C8orf34: variants seen among roughly 807,000 people sequenced by gnomAD.
C8orf34 encodes the protein uncharacterized protein C8orf34.
In C8orf34, 65 loss-of-function variants were observed where a neutral mutation model predicts 68.3. That is an observed-to-expected ratio of 0.95 (90% CI 0.78 to 1.17). The LOEUF (loss-of-function observed/expected upper bound fraction) is 1.17, where lower values mean the gene tolerates loss of function less well. C8orf34 is among the 50% of genes most tolerant of loss of function. The pLI is 0.00. For missense variants in C8orf34, 664 were observed against 655.4 expected (o/e 1.01, Z -0.14); for synonymous variants, 244 against 241.2 (o/e 1.01, Z -0.11).
intron 7 of C8orf34, among the ~76,000 whole-genome samples, chr8:68,547,822 C>A (rs185418433): frequency 3.3e-5 from 5 of 151,652 alleles, no homozygotes; most frequent in African/African-American, 1.2e-4. Context: ...CTATAATAAT[C>A]AAGACAATGT....
chr8:68,721,323 G>A (rs375675588), intron 9 of C8orf34, 38 bp from the exon 10 acceptor site: 15 of 1,302,022 alleles, frequency 1.2e-5, no homozygotes, highest in African/African-American at 3.0e-5. Context: ...TAAGCAATAT[G>A]TGAGTATAAT....
intron 12 of C8orf34, among the ~76,000 whole-genome samples, chr8:68,812,491 T>C (rs1262377912): frequency 6.6e-6 from 1 of 152,184 alleles, no homozygotes; most frequent in African/African-American, 2.4e-5. Context: ...TGACTTTCTC[T>C]TCCATATTAG....
intron 5 of C8orf34, among the ~76,000 whole-genome samples, chr8:68,513,066 T>C (rs897528963): frequency 1.3e-5 from 2 of 152,186 alleles, no homozygotes; most frequent in Non-Finnish European, 2.9e-5. Context: ...GTTTGTAACC[T>C]CAAAACACTT....
chr8:68,694,698 C>T (rs572990212), intron 8 of C8orf34, among the ~76,000 whole-genome samples: 31 of 151,972 alleles, frequency 2.0e-4, no homozygotes, highest in African/African-American at 7.5e-4. Flanking sequence ...TTATATTTCA[C>T]TTTTTTATCC....
intron 3 of C8orf34, among the ~76,000 whole-genome samples, chr8:68,466,982 A>T (rs1342787184): frequency 1.3e-5 from 2 of 151,890 alleles, no homozygotes; most frequent in Non-Finnish European, 2.9e-5. Context: ...TACATGGTTT[A>T]AAAAAGTTTA....
intron 1 of C8orf34, among the ~76,000 whole-genome samples, chr8:68,381,738 C>CAAA (rs769290635): frequency 0.37 from 26,724 of 71,722 alleles, 7,947 homozygotes; most frequent in Non-Finnish European, 0.43. Flanking sequence ...GACTCCGTCT[C>CAAA]AAAAAAAAAA....
intron 5 of C8orf34, among the ~76,000 whole-genome samples, chr8:68,499,143 T>C (rs1813657972): frequency 6.6e-6 from 1 of 152,198 alleles, no homozygotes; most frequent in Non-Finnish European, 1.5e-5. Flanking sequence ...GTGTGACTAA[T>C]GCTTAGCTCC....
At chr8:68,546,738 T>G in intron 7 of C8orf34, among the ~76,000 whole-genome samples, 1 of 151,958 alleles carries the variant, frequency 6.6e-6, no homozygotes, top group South Asian at 2.1e-4. Context: ...CAGGGTCAAC[T>G]TTCTGTACTT....
chr8:68,381,461 G>A (rs1042142338), intron 1 of C8orf34, among the ~76,000 whole-genome samples: 7 of 152,048 alleles, frequency 4.6e-5, no homozygotes, highest in East Asian at 3.9e-4. Flanking sequence ...GGCCGGGCGC[G>A]GTGGCTCACG....
chr8:68,601,896 G>A (rs2130497495), intron 7 of C8orf34, among the ~76,000 whole-genome samples: 1 of 152,242 alleles, frequency 6.6e-6, no homozygotes, highest in South Asian at 2.1e-4. Context: ...TTTAGGAATA[G>A]CACATGATCC....
At chr8:68,811,797 G>A (rs1432652016) in intron 12 of C8orf34, among the ~76,000 whole-genome samples, 1 of 152,124 alleles carries the variant, frequency 6.6e-6, no homozygotes, top group African/African-American at 2.4e-5. Flanking sequence ...TAATCCCTGT[G>A]ACAATGTATT....
At chr8:68,551,019 T>G (rs1816052080) in intron 7 of C8orf34, among the ~76,000 whole-genome samples, 1 of 151,898 alleles carries the variant, frequency 6.6e-6, no homozygotes, top group Non-Finnish European at 1.5e-5. Flanking sequence ...CTTAATGTTC[T>G]CTGAGCTTCT....
At chr8:68,614,609 T>C (rs1384545475) in intron 7 of C8orf34, among the ~76,000 whole-genome samples, 14 of 152,152 alleles carry the variant, frequency 9.2e-5, no homozygotes, top group Middle Eastern at 6.8e-3. Context: ...AGATATGCGG[T>C]GTTATTTCTG....
intron 12 of C8orf34, among the ~76,000 whole-genome samples, chr8:68,811,491 T>C (rs2129529959): frequency 6.6e-6 from 1 of 152,272 alleles, no homozygotes; most frequent in East Asian, 1.9e-4. Flanking sequence ...CCAGCTCCCA[T>C]TGGCTCCATG....
intron 8 of C8orf34, among the ~76,000 whole-genome samples, chr8:68,673,752 C>A (rs1820092464): frequency 6.6e-6 from 1 of 152,248 alleles, no homozygotes; most frequent in East Asian, 1.9e-4. Flanking sequence ...GCTTCACCAT[C>A]TGTTGATTAT....
At chr8:68,550,646 A>T (rs1816034191) in intron 7 of C8orf34, among the ~76,000 whole-genome samples, 1 of 151,850 alleles carries the variant, frequency 6.6e-6, no homozygotes, top group Admixed American at 6.6e-5. Context: ...CATTTGCTGA[A>T]AGAGAGGTCT....
At chr8:68,603,712 G>GA (rs1334961795) in intron 7 of C8orf34, among the ~76,000 whole-genome samples, 1 of 151,880 alleles carries the variant, frequency 6.6e-6, no homozygotes, top group South Asian at 2.1e-4. Context: ...ATCTGTGGAC[G>GA]AAAAAAACCA....
chr8:68,546,176 G>A (rs1815872476), intron 7 of C8orf34, among the ~76,000 whole-genome samples: 1 of 151,910 alleles, frequency 6.6e-6, no homozygotes, highest in Non-Finnish European at 1.5e-5. Flanking sequence ...CAAAGCAGTT[G>A]GGGCAAATAG....
At chr8:68,621,688 C>A (rs923068067) in intron 7 of C8orf34, among the ~76,000 whole-genome samples, 2 of 152,102 alleles carry the variant, frequency 1.3e-5, no homozygotes, top group African/African-American at 4.8e-5. Flanking sequence ...GGTTTGGAAT[C>A]TTAACTGTTT....
Sources: gnomAD v4.1 joint callset for allele counts (sites outside exome capture counted in the v4.1 genomes callset) on GRCh38, gnomAD v4.1.1 for gene constraint, MANE v1.5 for transcripts, NCBI Gene and HGNC (gene_info 2026-07-23, HGNC 2026-07-21) for gene names.